Variants in NBEA observed in about 807,000 individuals in gnomAD.
NBEA encodes the protein lysosomal-trafficking regulator 2.
A neutral mutation model predicts 343.4 loss-of-function variants in NBEA; 44 were observed. The ratio of observed to expected loss-of-function variants is 0.13; its 90% CI spans 0.10 to 0.16. The LOEUF (loss-of-function observed/expected upper bound fraction) is 0.16. Ranked by LOEUF, NBEA falls within the 10% of genes least tolerant of loss-of-function variation. NBEA has a pLI of 1.00. For missense variants in NBEA, 2,555 were observed against 3,631.3 expected (o/e 0.70, Z 7.62); for synonymous variants, 1,175 against 1,238.7 (o/e 0.95, Z 1.08).
chr13:35,164,000 T>A (rs949497875), intron 23 of NBEA, among the ~76,000 whole-genome samples: 1 of 152,172 alleles, frequency 6.6e-6, no homozygotes, highest in Non-Finnish European at 1.5e-5. Context: ...ACATTAGACA[T>A]ACTTTTTATA....
In NBEA at chr13:35,117,486, T is replaced by C; in HGVS notation, c.2075T>C (p.Ile692Thr). 4.6e-6 allele frequency: 6 copies of C among 1,303,058 alleles called. No individual in the cohort carries two copies. Among genetic ancestry groups the C allele is most frequent in the Non-Finnish European group, 6.0e-6 (6 of 1,000,428 alleles). The allele number at this position is 1,303,058 out of a possible 1,614,324, so 80.7% of individuals were successfully genotyped here. A position where few individuals can be genotyped will look rare whatever the true frequency, so the allele number is the denominator to read the frequency against. The change falls in exon 14 of 59, where the codon ATA (isoleucine) becomes ACA (threonine). Residue 692 changes from isoleucine to threonine, a missense_variant. By Grantham distance (89) the Ile-to-Thr change is moderately conservative. Transcript: ENST00000379939. Reference sequence around the variant, plus strand: ...ATGCTACTTTTTCTGAAACAGCTGATACTAAAGGTAAAATAATTTTATATA... The same window carrying C: ...ATGCTACTTTTTCTGAAACAGCTGACACTAAAGGTAAAATAATTTTATATA... ...AFMLLFLKQL[I>T]LKDRGVKEDE...
intron 1 of NBEA, among the ~76,000 whole-genome samples, chr13:35,025,882 A>T (rs1161218060): frequency 6.6e-6 from 1 of 152,074 alleles, no homozygotes; most frequent in East Asian, 1.9e-4. Flanking sequence ...TTTACATACT[A>T]CTGACATGCT....
chr13:35,331,459 T>C (rs1365985200), intron 36 of NBEA, among the ~76,000 whole-genome samples: 1 of 152,064 alleles, frequency 6.6e-6, no homozygotes, highest in Non-Finnish European at 1.5e-5. Flanking sequence ...CAACAGAACG[T>C]AGATACAAAC....
chr13:35,556,195 T>G (rs947370301), intron 44 of NBEA, among the ~76,000 whole-genome samples: 3 of 152,010 alleles, frequency 2.0e-5, no homozygotes, highest in African/African-American at 4.8e-5. Flanking sequence ...CCCTCAAAGA[T>G]AAAAGAAATG....
At chr13:35,276,307 A>C (rs1187292814) in intron 34 of NBEA, among the ~76,000 whole-genome samples, 1 of 152,170 alleles carries the variant, frequency 6.6e-6, no homozygotes, top group Non-Finnish European at 1.5e-5. Flanking sequence ...TACCAAAAAA[A>C]AAGAGGCTAT....
intron 1 of NBEA, among the ~76,000 whole-genome samples, chr13:34,972,500 A>T (rs2060030538): frequency 6.6e-6 from 1 of 152,152 alleles, no homozygotes. Flanking sequence ...TGCCTTAGCT[A>T]TGTCCCAGAG....
At chr13:35,503,771 G>T (rs767324915) in intron 41 of NBEA, among the ~76,000 whole-genome samples, 1 of 151,910 alleles carries the variant, frequency 6.6e-6, no homozygotes, top group Non-Finnish European at 1.5e-5. Flanking sequence ...TTGCTCCTTT[G>T]TCAATATAGG....
chr13:34,998,545 CCTCAGGGACG>C (rs2061015693), intron 1 of NBEA, among the ~76,000 whole-genome samples: 1 of 152,132 alleles, frequency 6.6e-6, no homozygotes, highest in Non-Finnish European at 1.5e-5. Context: ...AGAGGCCTCC[CCTCAGGGACG>C]CATTCTCTTT....
At chr13:35,426,482 C>A (rs2044682721) in intron 38 of NBEA, among the ~76,000 whole-genome samples, 3 of 152,210 alleles carry the variant, frequency 2.0e-5, no homozygotes. Flanking sequence ...CCCCCACTCT[C>A]TTCTGGCTTG....
intron 30 of NBEA, among the ~76,000 whole-genome samples, chr13:35,195,207 ACAAT>A (rs2072492036): frequency 2.0e-5 from 3 of 152,232 alleles, no homozygotes; most frequent in East Asian, 1.9e-4. Flanking sequence ...TTGGCAGCTA[ACAAT>A]CAAAGGATAA....
At position 35,424,889 on chromosome 13, in the gene NBEA, G is replaced by A. The variant is rs144539586; in HGVS notation, c.6180-7380G>A. Among the ~76,000 whole-genome samples the A allele has an allele frequency of 5.3e-4, 80 of 152,310 alleles. 1 individual carries two copies. The highest frequency in any genetic ancestry group is 1.7e-3 in the African/African-American group (71 of 41,564). ...CTGTTTTAGTCTTGGGAGGATGTAT[G>A]TGTCGAGGAATTTATCCATTTTCTA... On this transcript the variant is annotated intron_variant, in intron 38 of 58. Transcript: ENST00000379939.
intron 41 of NBEA, among the ~76,000 whole-genome samples, chr13:35,547,983 T>G (rs1187968589): frequency 6.6e-6 from 1 of 152,106 alleles, no homozygotes; most frequent in Non-Finnish European, 1.5e-5. Flanking sequence ...AGGGAAGTAC[T>G]GAGAAAACTG....
intron 34 of NBEA, among the ~76,000 whole-genome samples, chr13:35,235,486 T>C (rs1035009524): frequency 6.6e-6 from 1 of 152,226 alleles, no homozygotes; most frequent in African/African-American, 2.4e-5. Flanking sequence ...AAGTTAGTCT[T>C]GTAATAATAA....
At chr13:35,269,415 T>A (rs1325147019) in intron 34 of NBEA, among the ~76,000 whole-genome samples, 2 of 152,292 alleles carry the variant, frequency 1.3e-5, no homozygotes, top group African/African-American at 2.4e-5. Context: ...TATGTCTCAT[T>A]ACTTTAACAT....
At chr13:35,495,182 A>G (rs1566220593) in intron 41 of NBEA, among the ~76,000 whole-genome samples, 1 of 151,984 alleles carries the variant, frequency 6.6e-6, no homozygotes, top group South Asian at 2.1e-4. Context: ...AAAAAAAGAT[A>G]TGCACACAAA....
intron 1 of NBEA, among the ~76,000 whole-genome samples, chr13:35,011,639 C>G (rs1439673876): frequency 6.6e-6 from 1 of 152,070 alleles, no homozygotes; most frequent in Non-Finnish European, 1.5e-5. Context: ...TTATGGAAAA[C>G]AGAAGCAATG....
At chr13:35,498,493 T>C (rs2076768253) in intron 41 of NBEA, among the ~76,000 whole-genome samples, 1 of 152,042 alleles carries the variant, frequency 6.6e-6, no homozygotes, top group Non-Finnish European at 1.5e-5. Flanking sequence ...GAACTGGTTG[T>C]AGCAATATTA....
chr13:35,022,832 C>T (rs560076387), intron 1 of NBEA, among the ~76,000 whole-genome samples: 1 of 152,050 alleles, frequency 6.6e-6, no homozygotes, highest in Non-Finnish European at 1.5e-5. Context: ...TTAAATGAGG[C>T]TATACACATA....
At chr13:35,015,127 G>GAA (rs771271035) in intron 1 of NBEA, among the ~76,000 whole-genome samples, 399 of 18,294 alleles carry the variant, frequency 0.022, 126 homozygotes, top group African/African-American at 0.034. Flanking sequence ...AACGAGATCT[G>GAA]AAAAAAAAAA....
Sources: gnomAD v4.1 joint callset for allele counts (sites outside exome capture counted in the v4.1 genomes callset) on GRCh38, gnomAD v4.1.1 for gene constraint, MANE v1.5 for transcripts, NCBI Gene and HGNC (gene_info 2026-07-23, HGNC 2026-07-21) for gene names.